The following RSF1 variants were observed in gnomAD, a reference collection of about 807,000 sequenced individuals.
The protein encoded by RSF1 is HBV pX-associated protein 8.
RSF1 carries 13 observed loss-of-function variants against 145.2 expected under a neutral mutation model. The observed-to-expected ratio is 0.09, with a 90% CI of 0.06 to 0.14. The LOEUF (loss-of-function observed/expected upper bound fraction) is 0.14, where lower values mean the gene tolerates loss of function less well. Ranked by LOEUF, RSF1 falls within the 10% of genes least tolerant of loss-of-function variation. The pLI is 1.00. For missense variants in RSF1, 1,517 were observed against 1,718.2 expected (o/e 0.88, Z 2.07); for synonymous variants, 577 against 592.6 (o/e 0.97, Z 0.38).
In RSF1 at chr11:77,667,454, T is replaced by C; in HGVS notation, c.3789A>G (p.Leu1263=). Residue 1263 remains leucine (L), a synonymous_variant, in exon 16 of 16, where the codon CTA becomes CTG. Transcript: ENST00000308488. The part of the protein sequence containing the change: ...YLSKNSEDDE[L]AKESKRSVRK... Reference sequence around the variant, plus strand: ...GAACTGACCGCTTTGATTCTTTAGCTAGCTCATCATCTTCAGAGTTCTTGG... The same window carrying C: ...GAACTGACCGCTTTGATTCTTTAGCCAGCTCATCATCTTCAGAGTTCTTGG... The C allele has an allele frequency of 6.2e-7, 1 of 1,612,814 alleles. No homozygotes were observed. The highest frequency in any genetic ancestry group is 8.5e-7 in the Non-Finnish European group (1 of 1,179,954).
intron 1 of RSF1, among the ~76,000 whole-genome samples, chr11:77,797,898 T>C (rs1419844760): frequency 2.0e-5 from 3 of 152,064 alleles, no homozygotes; most frequent in South Asian, 2.1e-4. Flanking sequence ...GCCACAGACA[T>C]GAAAAAATTC....
At chr11:77,694,454 T>C (rs1799186040) in intron 7 of RSF1, among the ~76,000 whole-genome samples, 1 of 152,216 alleles carries the variant, frequency 6.6e-6, no homozygotes, top group South Asian at 2.1e-4. Flanking sequence ...CTTAGTCTTA[T>C]AGTTGTTTTA....
At chr11:77,842,636 A>G in the RSF1 span, 2 of 1,613,570 alleles carry the variant, frequency 1.2e-6, no homozygotes, top group Non-Finnish European at 1.7e-6. Context: ...GAGGTAAGAT[A>G]TTAGTCTTTG....
chr11:77,810,832 A>T (rs971502976), intron 1 of RSF1, among the ~76,000 whole-genome samples: 1 of 152,252 alleles, frequency 6.6e-6, no homozygotes, highest in African/African-American at 2.4e-5. Flanking sequence ...ATCATCTGAT[A>T]AGACTTCCAT....
chr11:77,716,766 C>CA (rs1211565363), intron 5 of RSF1, among the ~76,000 whole-genome samples: 1 of 152,024 alleles, frequency 6.6e-6, no homozygotes, highest in African/African-American at 2.4e-5. Context: ...GCTCTCATCA[C>CA]AAAAAAGATA....
chr11:77,821,136 C>G (rs761041009), upstream of RSF1: 1 of 403,758 alleles, frequency 2.5e-6, no homozygotes, highest in Non-Finnish European at 4.4e-6. Flanking sequence ...GGCGTATTCC[C>G]GGAGGGCAGT....
chr11:77,840,700 C>T, the RSF1 span, among the ~76,000 whole-genome samples: 1 of 152,202 alleles, frequency 6.6e-6, no homozygotes, highest in African/African-American at 2.4e-5. Context: ...TGAGCCACCA[C>T]ACTCAGCCCC....
intron 5 of RSF1, among the ~76,000 whole-genome samples, chr11:77,720,024 T>TG (rs1177548417): frequency 6.6e-6 from 1 of 152,142 alleles, no homozygotes. Flanking sequence ...AGTTTCTTTG[T>TG]GGGGTGCTAG....
chr11:77,737,452 C>G (rs1961382407), intron 4 of RSF1, among the ~76,000 whole-genome samples: 1 of 146,494 alleles, frequency 6.8e-6, no homozygotes, highest in South Asian at 2.1e-4. Flanking sequence ...GAGATCCTGT[C>G]TCAAAAAAAA....
intron 13 of RSF1, among the ~76,000 whole-genome samples, chr11:77,676,560 T>G (rs1040237043): frequency 3.3e-5 from 5 of 152,234 alleles, no homozygotes; most frequent in African/African-American, 1.2e-4. Context: ...TTAGTAAAAT[T>G]TAAATACAAT....
chr11:77,827,539 T>A, the RSF1 span, among the ~76,000 whole-genome samples: 223 of 152,308 alleles, frequency 1.5e-3, no homozygotes, highest in African/African-American at 5.1e-3. Context: ...AACATAGTCA[T>A]CTCAATAGAT....
rs375346778 is a variant in RSF1, at chr11:77,787,966, T to C, written c.188-23277A>G. On this transcript the variant is annotated intron_variant, in intron 1 of 15. Transcript: ENST00000308488. Reference sequence around the variant, plus strand: ...CAACACAGTGAAACCCCGTCTCTACTAAAAATACAAAAAAATACAAAAAAT... The same window carrying C: ...CAACACAGTGAAACCCCGTCTCTACCAAAAATACAAAAAAATACAAAAAAT... Among the ~76,000 whole-genome samples the C allele has an allele frequency of 4.7e-5, 7 of 150,230 alleles. No individual in the cohort carries two copies. The East Asian group carries it at 1.4e-3, about 29-fold the overall frequency.
intron 5 of RSF1, among the ~76,000 whole-genome samples, chr11:77,713,338 T>C (rs1192083676): frequency 6.6e-6 from 1 of 152,042 alleles, no homozygotes; most frequent in Admixed American, 6.6e-5. Flanking sequence ...TGGCTGACAT[T>C]TTCTCCCCCC....
rs56109811 is a variant in RSF1 at position 77,733,852 on chromosome 11, A to C, written c.578+6879T>G. On this transcript the variant is annotated intron_variant, in intron 4 of 15. Coordinates refer to ENST00000308488, the MANE Select transcript of RSF1 (RefSeq NM_016578.4). Reference sequence around the variant, plus strand: ...GCTGAGGTTATAGGTGTGAGCCATCATGCTGAGCCCATCTTTTTCATTCCT... The same window carrying C: ...GCTGAGGTTATAGGTGTGAGCCATCCTGCTGAGCCCATCTTTTTCATTCCT... Among the ~76,000 whole-genome samples the C allele has an allele frequency of 2.2e-3, 342 of 152,330 alleles. 1 individual carries two copies. Among genetic ancestry groups the C allele is most frequent in the African/African-American group, 7.7e-3 (320 of 41,586 alleles).
At chr11:77,676,706 C>A (rs537309472) in intron 13 of RSF1, 86 bp downstream of exon 13, 2 of 1,110,076 alleles carry the variant, frequency 1.8e-6, no homozygotes, top group Non-Finnish European at 2.6e-6. Context: ...AGAAAACCCT[C>A]ATCACAGCAT....
Position 77,707,450 on chromosome 11 carries a change from T to C in RSF1, c.734-4955A>G, listed in dbSNP as rs540077685. ...TTAACAGATGCTAAGGTATACTGCA[T>C]TGAAGAAGGATTAATAAATGCATTT... On this transcript the variant is annotated intron_variant, in intron 5 of 15. Transcript: ENST00000308488. Among the ~76,000 whole-genome samples, 22 of 152,300 alleles carry C rather than the reference T, an allele frequency of 1.4e-4. 2 individuals carry two copies. The South Asian group carries it at 4.1e-3, about 29-fold the overall frequency.
At chr11:77,676,201 A>C (rs1233222518) in intron 13 of RSF1, among the ~76,000 whole-genome samples, 1 of 151,520 alleles carries the variant, frequency 6.6e-6, no homozygotes, top group Non-Finnish European at 1.5e-5. Context: ...TTTAAGGTTT[A>C]CTCTTTGGAT....
At chr11:77,706,656 T>G (rs779259458) in intron 5 of RSF1, among the ~76,000 whole-genome samples, 2 of 152,178 alleles carry the variant, frequency 1.3e-5, no homozygotes, top group African/African-American at 4.8e-5. Context: ...TTCCTCACTT[T>G]CCTAATTTTT....
intron 1 of RSF1, among the ~76,000 whole-genome samples, chr11:77,809,026 G>A (rs1008654889): frequency 6.6e-6 from 1 of 152,072 alleles, no homozygotes; most frequent in Non-Finnish European, 1.5e-5. Flanking sequence ...ATACCTGTGG[G>A]GACAAAACAC....
Sources: allele counts gnomAD v4.1 joint callset (sites outside exome capture counted in the v4.1 genomes callset), GRCh38; gene constraint gnomAD v4.1.1; transcripts MANE v1.5; gene names NCBI Gene and HGNC (gene_info 2026-07-23, HGNC 2026-07-21).